Variants in ZCWPW2 observed in about 807,000 individuals in gnomAD.
ZCWPW2 encodes the protein zinc finger CW-type PWWP domain protein 2.
Under a neutral mutation model 46.6 loss-of-function variants are expected in ZCWPW2, and 45 were observed. That is an observed-to-expected ratio of 0.96 (90% CI 0.76 to 1.24). The LOEUF is 1.24. Among genes scored for constraint, ZCWPW2 ranks in the 50% most tolerant of loss-of-function variants. The pLI, the probability that ZCWPW2 is intolerant of heterozygous loss-of-function variation, is 0.00. For synonymous variants in ZCWPW2, 152 were observed against 137.1 expected, an observed-to-expected ratio of 1.11 and a Z score of -0.76; for missense variants, 429 against 403.9, an observed-to-expected ratio of 1.06 and a Z score of -0.53.
chr3:28,480,573 T>C (rs1699392007), intron 5 of ZCWPW2, among the ~76,000 whole-genome samples: 1 of 152,296 alleles, frequency 6.6e-6, no homozygotes, highest in East Asian at 1.9e-4. Flanking sequence ...ATTGCTGTGC[T>C]CTTTGGTTTA....
At chr3:28,515,957 C>G (rs1282786276) in intron 8 of ZCWPW2, among the ~76,000 whole-genome samples, 1 of 151,902 alleles carries the variant, frequency 6.6e-6, no homozygotes, top group Non-Finnish European at 1.5e-5. Flanking sequence ...AAATAACACA[C>G]CAGCCAGGCA....
intron 6 of ZCWPW2, among the ~76,000 whole-genome samples, chr3:28,507,994 T>TA (rs1700324027): frequency 6.6e-6 from 1 of 152,146 alleles, no homozygotes; most frequent in Admixed American, 6.6e-5. Flanking sequence ...GGGTAATTAA[T>TA]AAAGATTTAT....
chr3:28,404,195 A>G (rs965633909), intron 2 of ZCWPW2, among the ~76,000 whole-genome samples: 3 of 152,148 alleles, frequency 2.0e-5, no homozygotes, highest in East Asian at 1.9e-4. Context: ...ACAAGAAAAA[A>G]AAAACATCAA....
At chr3:28,478,761 A>C (rs934134719) in intron 4 of ZCWPW2, 53 bp from the exon 5 acceptor site, 3 of 970,324 alleles carry the variant, frequency 3.1e-6, no homozygotes, top group Non-Finnish European at 4.3e-6. Context: ...GGATTTTAAA[A>C]CAAAGTTATA....
At chr3:28,492,273 A>G (rs1317622683) in intron 6 of ZCWPW2, 100 bp downstream of exon 6, 3 of 1,095,974 alleles carry the variant, frequency 2.7e-6, no homozygotes, top group East Asian at 2.9e-5. Flanking sequence ...ACAATGACAT[A>G]CAATCCATTT....
Position 28,521,233 on chromosome 3 carries a change from G to C in ZCWPW2, c.909+117G>C, listed in dbSNP as rs953856610. 14 of 1,132,980 alleles carry C rather than the reference G, an allele frequency of 1.2e-5. No homozygotes were observed. In the Admixed American group the frequency reaches 4.9e-4, roughly 40 times the overall value. 70.2% of individuals were successfully genotyped at this position (1,132,980 alleles called of 1,614,324 possible). The stretch of plus-strand genomic sequence containing the variant: ...AAAACTCTTTTCATGTCTGAAATTT[G>C]AGTCCTTGATTATCATGAGGTAAAT... On this transcript the variant is annotated intron_variant, in intron 9 of 9. Coordinates refer to ENST00000383768, the MANE Select transcript of ZCWPW2 (RefSeq NM_001040432.4).
intron 3 of ZCWPW2, among the ~76,000 whole-genome samples, chr3:28,433,092 TACAC>T (rs71626517): frequency 2.1e-4 from 32 of 148,926 alleles, no homozygotes; most frequent in Middle Eastern, 3.5e-3. Context: ...AGCATATTCT[TACAC>T]ACACACACAC....
intron 6 of ZCWPW2, among the ~76,000 whole-genome samples, chr3:28,508,012 AG>A (rs1241433246): frequency 1.3e-5 from 2 of 152,128 alleles, no homozygotes; most frequent in African/African-American, 4.8e-5. Context: ...TATTTGGCTC[AG>A]GGTTCTACAG....
chr3:28,358,303 G>A (rs1459974660), intron 1 of ZCWPW2, among the ~76,000 whole-genome samples: 1 of 152,014 alleles, frequency 6.6e-6, no homozygotes, highest in East Asian at 1.9e-4. Flanking sequence ...ATATAGCCGA[G>A]CCTCTTTCTC....
intron 4 of ZCWPW2, among the ~76,000 whole-genome samples, chr3:28,475,096 G>A (rs1005771551): frequency 2.6e-5 from 4 of 151,796 alleles, no homozygotes; most frequent in Admixed American, 2.6e-4. Flanking sequence ...TGTCCAACTC[G>A]GCCTCCTAAA....
At chr3:28,482,292 A>G (rs1021498609) in intron 5 of ZCWPW2, among the ~76,000 whole-genome samples, 1 of 152,162 alleles carries the variant, frequency 6.6e-6, no homozygotes, top group Non-Finnish European at 1.5e-5. Context: ...AGTAATATGC[A>G]TTTAAGTTTC....
intron 4 of ZCWPW2, among the ~76,000 whole-genome samples, chr3:28,454,140 G>T (rs923473503): frequency 1.3e-5 from 2 of 151,986 alleles, no homozygotes; most frequent in South Asian, 2.1e-4. Context: ...CACCGCGCCC[G>T]GCCAATTGTG....
intron 1 of ZCWPW2, among the ~76,000 whole-genome samples, chr3:28,375,556 C>T (rs1389076953): frequency 6.6e-6 from 1 of 151,912 alleles, no homozygotes; most frequent in Non-Finnish European, 1.5e-5. Context: ...CTGAGATGTT[C>T]TGATACAGGC....
At chr3:28,389,640 C>A (rs915022237) in intron 1 of ZCWPW2, among the ~76,000 whole-genome samples, 12 of 152,114 alleles carry the variant, frequency 7.9e-5, no homozygotes, top group Admixed American at 2.0e-4. Flanking sequence ...AGATTTTGTT[C>A]TTTTAGAACA....
At chr3:28,357,235 A>T (rs990459846) in intron 1 of ZCWPW2, among the ~76,000 whole-genome samples, 1 of 152,212 alleles carries the variant, frequency 6.6e-6, no homozygotes, top group Non-Finnish European at 1.5e-5. Context: ...ATGACATTAA[A>T]GTTCATTAAG....
chr3:28,398,112 G>C (rs1314794067), intron 2 of ZCWPW2: 3 of 152,214 alleles, frequency 2.0e-5, no homozygotes, highest in African/African-American at 7.2e-5. Context: ...ATTTCTCACA[G>C]TTCTGGAGGC....
At chr3:28,444,459 G>A (rs1697905696) in intron 4 of ZCWPW2, among the ~76,000 whole-genome samples, 1 of 152,168 alleles carries the variant, frequency 6.6e-6, no homozygotes. Context: ...ATGGGTCAGG[G>A]AAGGGAAGTT....
chr3:28,469,551 A>G lies in ZCWPW2; in HGVS notation c.493-9263A>G, dbSNP rs79920224. Among the ~76,000 whole-genome samples the G allele has an allele frequency of 6.6e-3, 1,011 of 152,242 alleles. 9 individuals are homozygous for G. The highest frequency in any genetic ancestry group is 0.02 in the African/African-American group (851 of 41,562). ...GATATTCCATGCCAGTGGAAACCAC[A>G]AAAGAGCATGAGTAGATATACTTAA... On this transcript the variant is annotated intron_variant, in intron 4 of 9. Coordinates refer to ENST00000383768, the MANE Select transcript of ZCWPW2 (RefSeq NM_001040432.4).
chr3:28,362,530 C>T (rs1314369664), intron 1 of ZCWPW2, among the ~76,000 whole-genome samples: 1 of 152,256 alleles, frequency 6.6e-6, no homozygotes, highest in East Asian at 1.9e-4. Context: ...GAGATACAAT[C>T]TCCCACCAGT....
Sources: allele counts gnomAD v4.1 joint callset (sites outside exome capture counted in the v4.1 genomes callset), GRCh38; gene constraint gnomAD v4.1.1; transcripts MANE v1.5; gene names NCBI Gene and HGNC (gene_info 2026-07-23, HGNC 2026-07-21).